The following BTG4 variants were observed in gnomAD, a reference collection of about 807,000 sequenced individuals.
BTG4 encodes the protein protein BTG4.
Under a neutral mutation model 19.3 loss-of-function variants are expected in BTG4, and 10 were observed. The observed-to-expected ratio is 0.52, with a 90% CI of 0.32 to 0.88. BTG4 has a LOEUF of 0.88. BTG4 is among the 40% of genes least tolerant of loss of function. BTG4 has a pLI of 0.04. For missense variants in BTG4, 238 were observed against 281.9 expected (o/e 0.84, Z 1.11); for synonymous variants, 91 against 95.7 (o/e 0.95, Z 0.29).
At chr11:111,493,535 C>T (rs184687775), downstream of BTG4, among the ~76,000 whole-genome samples, 2 of 152,284 alleles carry the variant, frequency 1.3e-5, no homozygotes, top group East Asian at 3.9e-4. Context: ...GTTTCTGCCC[C>T]ATTATCTGGA....
chr11:111,392,169 C>CTTTTTTTTTTTTTTTT, the BTG4 span, among the ~76,000 whole-genome samples: 1 of 85,396 alleles, frequency 1.2e-5, no homozygotes, highest in African/African-American at 4.7e-5. Context: ...CTGTGATTTT[C>CTTTTTTTTTTTTTTTT]TTTTTTTTTT....
At chr11:111,409,951 A>C in the BTG4 span, among the ~76,000 whole-genome samples, 1 of 152,196 alleles carries the variant, frequency 6.6e-6, no homozygotes, top group African/African-American at 2.4e-5. Context: ...GGAAGTGAAA[A>C]CCTAAAGAAG....
chr11:111,506,977 A>T (rs1866495289), intron 1 of BTG4, among the ~76,000 whole-genome samples: 2 of 152,114 alleles, frequency 1.3e-5, no homozygotes, highest in Admixed American at 6.5e-5. Flanking sequence ...TGTAAGCATG[A>T]TGAAATCCTT....
chr11:111,432,010 C>T, the BTG4 span, among the ~76,000 whole-genome samples: 1 of 147,080 alleles, frequency 6.8e-6, no homozygotes, highest in East Asian at 1.9e-4. Flanking sequence ...GTCAGAATTA[C>T]AAAAAAATAG....
chr11:111,508,366 CTT>C (rs5794754), intron 1 of BTG4, among the ~76,000 whole-genome samples: 1 of 146,326 alleles, frequency 6.8e-6, no homozygotes, highest in Non-Finnish European at 1.5e-5. Context: ...ACTCCCTGGG[CTT>C]TTTTTTTTTT....
At chr11:111,417,889 A>G in the BTG4 span, 1 of 151,996 alleles carries the variant, frequency 6.6e-6, no homozygotes, top group Non-Finnish European at 1.5e-5. Flanking sequence ...TTTTATAAAC[A>G]CACGGTCAGT....
upstream of BTG4, chr11:111,513,614 C>A: frequency 5.0e-6 from 2 of 403,710 alleles, no homozygotes; most frequent in Admixed American, 2.8e-5. Context: ...ATTAATTGCT[C>A]AGCCAAAAGA....
At chr11:111,419,880 T>C in the BTG4 span, among the ~76,000 whole-genome samples, 4 of 152,190 alleles carry the variant, frequency 2.6e-5, no homozygotes, top group Non-Finnish European at 5.9e-5. Flanking sequence ...GTTGGCTAAG[T>C]GCCATATTGG....
intron 2 of BTG4, 118 bp from the exon 3 acceptor site, chr11:111,498,253 C>T: frequency 1.8e-6 from 2 of 1,134,442 alleles, no homozygotes; most frequent in Non-Finnish European, 2.6e-6. Context: ...CAGCCTCCTT[C>T]CCCTCAGCCT....
chr11:111,411,912 A>G, the BTG4 span, among the ~76,000 whole-genome samples: 1 of 152,232 alleles, frequency 6.6e-6, no homozygotes, highest in Non-Finnish European at 1.5e-5. Flanking sequence ...TCATGAAGGT[A>G]TGAGGCAGAT....
At chr11:111,511,927 A>G (rs762347707) in intron 1 of BTG4, among the ~76,000 whole-genome samples, 25 of 152,320 alleles carry the variant, frequency 1.6e-4, no homozygotes, top group African/African-American at 6.0e-4. Context: ...AATTTATTAT[A>G]TATATACTGT....
the BTG4 span, among the ~76,000 whole-genome samples, chr11:111,441,587 T>A: frequency 6.6e-6 from 1 of 152,238 alleles, no homozygotes; most frequent in Non-Finnish European, 1.5e-5. Context: ...CTGTTTATAA[T>A]ATATCCATGC....
chr11:111,472,464 G>A (rs1480321021), intron 5 of BTG4, among the ~76,000 whole-genome samples: 12 of 152,186 alleles, frequency 7.9e-5, no homozygotes, highest in African/African-American at 2.7e-4. Context: ...GACAACTAGT[G>A]GGTAGAGGCC....
the BTG4 span, among the ~76,000 whole-genome samples, chr11:111,388,280 AGTTG>A: frequency 0.62 from 89,911 of 145,344 alleles, 29,369 homozygotes; most frequent in Non-Finnish European, 0.72. Flanking sequence ...GCCATGACTC[AGTTG>A]GTTGGTTGGT....
downstream of BTG4, among the ~76,000 whole-genome samples, chr11:111,494,107 G>T (rs570531623): frequency 2.0e-5 from 3 of 152,174 alleles, no homozygotes; most frequent in Admixed American, 1.3e-4. Context: ...AGATACAAGC[G>T]GCTGGAGAAG....
intron 1 of BTG4, 106 bp downstream of exon 1, chr11:111,512,075 C>G (rs1271312866): frequency 6.6e-6 from 1 of 152,192 alleles, no homozygotes; most frequent in African/African-American, 2.4e-5. Flanking sequence ...AAGTCCCCAA[C>G]AGAGCACAGA....
the BTG4 span, among the ~76,000 whole-genome samples, chr11:111,424,219 A>T: frequency 3.9e-5 from 6 of 152,240 alleles, no homozygotes; most frequent in Non-Finnish European, 7.3e-5. Flanking sequence ...CCAGTGCCCC[A>T]GGATACTGAG....
the BTG4 span, among the ~76,000 whole-genome samples, chr11:111,451,731 T>A: frequency 6.6e-6 from 1 of 152,044 alleles, no homozygotes; most frequent in Non-Finnish European, 1.5e-5. Context: ...GCCACTGCAC[T>A]CCAGCCTGGG....
the BTG4 span, among the ~76,000 whole-genome samples, chr11:111,392,169 C>CTTTTTTTTTTT: frequency 1.3e-4 from 11 of 85,450 alleles, no homozygotes; most frequent in South Asian, 4.9e-4. Flanking sequence ...CTGTGATTTT[C>CTTTTTTTTTTT]TTTTTTTTTT....
Sources: gnomAD v4.1 joint callset for allele counts (sites outside exome capture counted in the v4.1 genomes callset) on GRCh38, gnomAD v4.1.1 for gene constraint, MANE v1.5 for transcripts, NCBI Gene and HGNC (gene_info 2026-07-23, HGNC 2026-07-21) for gene names.